RALYL: variants seen among roughly 807,000 people sequenced by gnomAD.
RALYL encodes RALY RNA binding protein like, also known as RNA-binding Raly-like protein.
Under a neutral mutation model 35.1 loss-of-function variants are expected in RALYL, and 29 were observed. The observed-to-expected ratio is 0.83, with a 90% CI of 0.61 to 1.13. The LOEUF (loss-of-function observed/expected upper bound fraction) is 1.13, where lower values mean the gene tolerates loss of function less well. Among genes scored for constraint, RALYL ranks in the 50% most tolerant of loss-of-function variants. The probability of loss-of-function intolerance (pLI) is 0.00; values close to 1 mark genes in which losing one functional copy is unlikely to be tolerated. For missense variants in RALYL, 359 were observed against 360.4 expected, an observed-to-expected ratio of 1.00 and a Z score of 0.03; for synonymous variants, 120 against 127.6, an observed-to-expected ratio of 0.94 and a Z score of 0.40.
At chr8:84,840,008 A>T (rs2134554017) in intron 4 of RALYL, among the ~76,000 whole-genome samples, 1 of 152,270 alleles carries the variant, frequency 6.6e-6, no homozygotes, top group South Asian at 2.1e-4. Context: ...TAAAACCACA[A>T]AGATGGGGAA....
At chr8:84,408,380 T>C (rs1018408669) in intron 1 of RALYL, among the ~76,000 whole-genome samples, 1 of 152,182 alleles carries the variant, frequency 6.6e-6, no homozygotes, top group Non-Finnish European at 1.5e-5. Context: ...AACTCTGTCA[T>C]ATATGCCATA....
intron 1 of RALYL, among the ~76,000 whole-genome samples, chr8:84,297,538 G>T (rs1839994029): frequency 6.6e-6 from 1 of 152,046 alleles, no homozygotes. Context: ...TGTCTGTGTG[G>T]TAGCATAATT....
chr8:84,724,934 T>G lies in RALYL; in HGVS notation c.257-49645T>G, dbSNP rs1844655379. 2.0e-5 allele frequency among the ~76,000 whole-genome samples: 3 copies of G among 151,842 alleles called. No individual in the cohort carries two copies. In the Admixed American group the frequency reaches 2.0e-4, roughly 10 times the overall value. On this transcript the variant is annotated intron_variant, in intron 2 of 8. Transcript: ENST00000521268. ...TGTTCATCATGGAAGTAATAAGCTC[T>G]AAGAATATTTTATGTTGCAATCACT...
At position 84,310,845 on chromosome 8, in the gene RALYL, A is replaced by T. The variant is rs553034066; in HGVS notation, c.-24+126421A>T. On this transcript the variant is annotated intron_variant, in intron 1 of 8. Coordinates refer to ENST00000521268, the MANE Select transcript of RALYL (RefSeq NM_173848.7). ...GGTGGATCATGAGGTCAGGAGATCG[A>T]GACCGTCCTGGCTAACAAGGTGAAA... Among the ~76,000 whole-genome samples the T allele has an allele frequency of 7.4e-3, 1,101 of 149,172 alleles. 24 individuals are homozygous for T. The highest frequency in any genetic ancestry group is 0.031 in the Middle Eastern group (9 of 292).
In RALYL at chr8:84,442,503, A is replaced by G. The variant is rs548175044; in HGVS notation, c.-23-86796A>G. Among the ~76,000 whole-genome samples, 8 of 152,224 alleles carry G rather than the reference A, an allele frequency of 5.3e-5. No individual in the cohort carries two copies. The East Asian group carries it at 1.6e-3, about 30-fold the overall frequency. On this transcript the variant is annotated intron_variant, in intron 1 of 8. Transcript: ENST00000521268. ...GAACTATGAAAGGCTGTGAAGACAC[A>G]AAACCAAATAAGACCTAGTTCCTAA...
chr8:84,814,496 A>T (rs981228623), intron 4 of RALYL, among the ~76,000 whole-genome samples: 10 of 152,090 alleles, frequency 6.6e-5, no homozygotes, highest in African/African-American at 2.2e-4. Context: ...AGAAATATTG[A>T]TACATTTTTA....
intron 2 of RALYL, among the ~76,000 whole-genome samples, chr8:84,749,547 C>T (rs1194117515): frequency 1.3e-5 from 2 of 152,126 alleles, no homozygotes; most frequent in Non-Finnish European, 1.5e-5. Flanking sequence ...AAGGGTTCCT[C>T]GCCAAGAAGT....
Position 84,372,886 on chromosome 8 carries a change from G to GTTTTTTTTTTTTTTTTTTTTTT in RALYL, c.-23-156405_-23-156384dup, listed in dbSNP as rs76885544. Among the ~76,000 whole-genome samples the GTTTTTTTTTTTTTTTTTTTTTT allele has an allele frequency of 1.0e-3, 41 of 39,074 alleles. 4 individuals are homozygous for GTTTTTTTTTTTTTTTTTTTTTT. The highest frequency in any genetic ancestry group is 1.9e-3 in the Admixed American group (5 of 2,642). The allele number at this position is 39,074 out of a possible 152,430, so 25.6% of individuals were successfully genotyped here. On this transcript the variant is annotated intron_variant, in intron 1 of 8. Coordinates refer to ENST00000521268, the MANE Select transcript of RALYL (RefSeq NM_173848.7). Reference sequence around the variant, plus strand: ...TTTCTCCACAACCATGCCAGCATCTGTTTTTTTTTTTTTTTTTTTTTTTTT... The same window carrying GTTTTTTTTTTTTTTTTTTTTTT: ...TTTCTCCACAACCATGCCAGCATCTGTTTTTTTTTTTTTTTTTTTTTTTTTTTTTTTTTTTTTTTTTTTTTTT...
intron 1 of RALYL, among the ~76,000 whole-genome samples, chr8:84,261,842 G>C (rs564637182): frequency 6.6e-6 from 1 of 151,798 alleles, no homozygotes; most frequent in Non-Finnish European, 1.5e-5. Flanking sequence ...TTTTTAAGAT[G>C]TATATCTTAA....
chr8:84,225,527 A>C (rs1415325052), intron 1 of RALYL, among the ~76,000 whole-genome samples: 1 of 152,032 alleles, frequency 6.6e-6, no homozygotes, highest in African/African-American at 2.4e-5. Flanking sequence ...TCAGTCACAC[A>C]GTCTTTCTCG....
chr8:84,403,524 G>GT (rs769845435), intron 1 of RALYL, among the ~76,000 whole-genome samples: 10,061 of 39,096 alleles, frequency 0.26, 3,544 homozygotes, highest in Non-Finnish European at 0.31. Flanking sequence ...CTATATCTCT[G>GT]TTTTTTTTTT....
chr8:84,692,345 G>T (rs1407671179), intron 2 of RALYL, among the ~76,000 whole-genome samples: 1 of 151,910 alleles, frequency 6.6e-6, no homozygotes, highest in Non-Finnish European at 1.5e-5. Flanking sequence ...AGTTCCAGAA[G>T]GTCAATATAC....
Position 84,647,117 on chromosome 8 carries a change from C to T in RALYL, c.256+117540C>T, listed in dbSNP as rs111638383. On this transcript the variant is annotated intron_variant, in intron 2 of 8. Transcript: ENST00000521268. Reference sequence around the variant, plus strand: ...TCAATGGGGAGATTCAAGCTCAGGACGCCAACCTTGTTCTCCAAGCCTATA... The same window carrying T: ...TCAATGGGGAGATTCAAGCTCAGGATGCCAACCTTGTTCTCCAAGCCTATA... 2.2e-3 allele frequency among the ~76,000 whole-genome samples: 328 copies of T among 152,100 alleles called. 1 individual carries two copies. Among genetic ancestry groups the T allele is most frequent in the African/African-American group, 7.3e-3 (304 of 41,532 alleles).
intron 1 of RALYL, among the ~76,000 whole-genome samples, chr8:84,375,098 A>G (rs1216547213): frequency 6.6e-6 from 1 of 151,878 alleles, no homozygotes; most frequent in Non-Finnish European, 1.5e-5. Flanking sequence ...ATATTTTGAT[A>G]CAGACACATA....
At chr8:84,329,665 A>G (rs1050169982) in intron 1 of RALYL, among the ~76,000 whole-genome samples, 1 of 151,986 alleles carries the variant, frequency 6.6e-6, no homozygotes, top group African/African-American at 2.4e-5. Context: ...TTCCTGTTAT[A>G]TTGTTGTAAA....
At chr8:84,662,565 T>C (rs1188576849) in intron 2 of RALYL, among the ~76,000 whole-genome samples, 1 of 152,046 alleles carries the variant, frequency 6.6e-6, no homozygotes, top group Non-Finnish European at 1.5e-5. Flanking sequence ...TAATCCGAGG[T>C]TGGAAAGTAG....
intron 1 of RALYL, among the ~76,000 whole-genome samples, chr8:84,523,571 T>A (rs1427601928): frequency 1.1e-4 from 17 of 151,934 alleles, no homozygotes; most frequent in Non-Finnish European, 2.2e-4. Context: ...TTGTGCAGGT[T>A]AGTTACATAT....
chr8:84,372,895 T>TTTTTTTTTTTTTTTTTTTTTTTTTTTTG (rs1856128522), intron 1 of RALYL, among the ~76,000 whole-genome samples: 1 of 125,950 alleles, frequency 7.9e-6, no homozygotes, highest in Admixed American at 8.1e-5. Context: ...TGTTTTTTTT[T>TTTTTTTTTTTTTTTTTTTTTTTTTTTTG]TTTTTTTTTT....
At chr8:84,874,421 A>C (rs187640281) in intron 7 of RALYL, among the ~76,000 whole-genome samples, 2 of 152,092 alleles carry the variant, frequency 1.3e-5, no homozygotes, top group East Asian at 3.9e-4. Context: ...TCTCAAACTC[A>C]GGGCTTGTAA....
Sources: gnomAD v4.1 joint callset for allele counts (sites outside exome capture counted in the v4.1 genomes callset) on GRCh38, gnomAD v4.1.1 for gene constraint, MANE v1.5 for transcripts, NCBI Gene and HGNC (gene_info 2026-07-23, HGNC 2026-07-21) for gene names.